RBFOX1: variants seen among roughly 807,000 people sequenced by gnomAD.
RBFOX1 encodes RNA binding fox-1 homolog 1, also known as RNA binding protein fox-1 homolog 1.
A neutral mutation model predicts 57.7 loss-of-function variants in RBFOX1; 8 were observed. The observed-to-expected ratio is 0.14, with a 90% CI of 0.08 to 0.25. The LOEUF (loss-of-function observed/expected upper bound fraction) is 0.25, where lower values mean the gene tolerates loss of function less well. RBFOX1 is among the 10% of genes least tolerant of loss of function. The probability of loss-of-function intolerance (pLI) is 1.00; values close to 1 mark genes in which losing one functional copy is unlikely to be tolerated. For synonymous variants in RBFOX1, 326 were observed against 222.4 expected (o/e 1.47, Z -4.15); for missense variants, 611 against 548.5 (o/e 1.11, Z -1.14).
chr16:6,818,907 C>T (rs1283510539), intron 3 of RBFOX1, among the ~76,000 whole-genome samples: 1 of 152,172 alleles, frequency 6.6e-6, no homozygotes, highest in East Asian at 1.9e-4. Context: ...ACTCGATTTC[C>T]TCTGGGCATG....
At chr16:6,775,269 G>T (rs75672727) in intron 3 of RBFOX1, among the ~76,000 whole-genome samples, 12,075 of 145,694 alleles carry the variant, frequency 0.083, 997 homozygotes, top group East Asian at 0.23. Flanking sequence ...GGCCGAGCTT[G>T]CAGTGAGCTG....
chr16:6,485,483 A>G (rs1463947559), intron 2 of RBFOX1, among the ~76,000 whole-genome samples: 2 of 151,938 alleles, frequency 1.3e-5, no homozygotes, highest in Non-Finnish European at 2.9e-5. Flanking sequence ...CCTTTTAGGT[A>G]TCTTTGCTAC....
chr16:7,459,153 A>G (rs953767996), intron 4 of RBFOX1, among the ~76,000 whole-genome samples: 10 of 152,078 alleles, frequency 6.6e-5, no homozygotes, highest in Non-Finnish European at 1.2e-4. Flanking sequence ...TGACGGGTAG[A>G]TGTATGGACT....
chr16:6,855,540 C>G (rs904844335), intron 3 of RBFOX1, among the ~76,000 whole-genome samples: 3 of 151,472 alleles, frequency 2.0e-5, no homozygotes, highest in African/African-American at 7.3e-5. Context: ...GTAGTCCCAG[C>G]TACTGGGGAG....
chr16:5,832,059 A>G (rs372561209), intron 3 of RBFOX1, among the ~76,000 whole-genome samples: 6 of 152,284 alleles, frequency 3.9e-5, no homozygotes, highest in Admixed American at 2.6e-4. Flanking sequence ...TCAGACCATG[A>G]TTCAGGACCC....
intron 3 of RBFOX1, among the ~76,000 whole-genome samples, chr16:5,667,950 A>G (rs1300041119): frequency 6.6e-6 from 1 of 152,142 alleles, no homozygotes; most frequent in African/African-American, 2.4e-5. Flanking sequence ...CTTTGAGGGG[A>G]TGGCAGCAGT....
chr16:6,763,038 T>G (rs201558364), intron 3 of RBFOX1, among the ~76,000 whole-genome samples: 1 of 2,918 alleles, frequency 3.4e-4, no homozygotes, highest in East Asian at 0.036. Context: ...CGTTCATTCA[T>G]GGCTGTTTAT....
chr16:6,534,510 C>G (rs1029159326), intron 2 of RBFOX1, among the ~76,000 whole-genome samples: 25 of 152,094 alleles, frequency 1.6e-4, no homozygotes, highest in Non-Finnish European at 2.9e-4. Context: ...GTGAATCATG[C>G]TTTTCATGCC....
At chr16:6,488,609 C>T (rs1567409288) in intron 2 of RBFOX1, among the ~76,000 whole-genome samples, 1 of 152,098 alleles carries the variant, frequency 6.6e-6, no homozygotes, top group African/African-American at 2.4e-5. Context: ...TTCCAATATG[C>T]TAAGATACCA....
chr16:6,043,502 A>C (rs1213989855), intron 1 of RBFOX1, among the ~76,000 whole-genome samples: 1 of 152,210 alleles, frequency 6.6e-6, no homozygotes, highest in East Asian at 1.9e-4. Context: ...CTGTTTTGTC[A>C]GTCTAATGAT....
intron 1 of RBFOX1, among the ~76,000 whole-genome samples, chr16:6,277,642 G>T (rs1372310144): frequency 7.0e-6 from 1 of 142,520 alleles, no homozygotes; most frequent in African/African-American, 2.6e-5. Context: ...ACCCAGCCTG[G>T]GCTACAGAGA....
chr16:5,673,135 C>G (rs1354757381), intron 3 of RBFOX1, among the ~76,000 whole-genome samples: 2 of 152,022 alleles, frequency 1.3e-5, no homozygotes, highest in African/African-American at 2.4e-5. Flanking sequence ...CCTGCTGACA[C>G]ACACAAGCCT....
chr16:7,653,785 T>G (rs1215783380), intron 11 of RBFOX1, 30 bp from the exon 12 acceptor site: 2 of 1,280,496 alleles, frequency 1.6e-6, no homozygotes, highest in African/African-American at 3.0e-5. Context: ...CAGCCTGTGC[T>G]CTCTCTCTCT....
intron 2 of RBFOX1, among the ~76,000 whole-genome samples, chr16:6,544,617 A>G (rs2096869711): frequency 6.6e-6 from 1 of 152,214 alleles, no homozygotes; most frequent in East Asian, 1.9e-4. Flanking sequence ...TCATGGGTGC[A>G]TATAAGAGAC....
intron 4 of RBFOX1, among the ~76,000 whole-genome samples, chr16:5,901,574 C>T (rs1176442129): frequency 1.3e-5 from 2 of 152,158 alleles, no homozygotes; most frequent in East Asian, 3.9e-4. Flanking sequence ...ATTAGAAATT[C>T]AGCCCCTCAG....
intron 1 of RBFOX1, among the ~76,000 whole-genome samples, chr16:6,158,875 T>C (rs1209136812): frequency 1.3e-5 from 2 of 151,702 alleles, no homozygotes; most frequent in Admixed American, 1.3e-4. Flanking sequence ...TTTCTAGCTT[T>C]TTCTGACTAG....
intron 3 of RBFOX1, among the ~76,000 whole-genome samples, chr16:6,799,544 T>A (rs193250904): frequency 1.3e-5 from 2 of 152,112 alleles, no homozygotes; most frequent in East Asian, 3.9e-4. Flanking sequence ...TGGGTATGTG[T>A]GTGAAGGTGT....
intron 14 of RBFOX1, among the ~76,000 whole-genome samples, chr16:7,705,994 C>T (rs569471778): frequency 1.3e-4 from 20 of 152,212 alleles, no homozygotes; most frequent in East Asian, 5.8e-4. Context: ...ACATGGCGAC[C>T]GTAAGACCTC....
At chr16:6,036,420 T>G (rs1596560157) in intron 1 of RBFOX1, among the ~76,000 whole-genome samples, 1 of 152,166 alleles carries the variant, frequency 6.6e-6, no homozygotes, top group South Asian at 2.1e-4. Context: ...ATTGCTTTTT[T>G]GGGGAGGGGT....
Sources: allele counts gnomAD v4.1 joint callset (sites outside exome capture counted in the v4.1 genomes callset), GRCh38; gene constraint gnomAD v4.1.1; transcripts MANE v1.5; gene names NCBI Gene and HGNC (gene_info 2026-07-23, HGNC 2026-07-21).